The following PHOX2A variants were observed in gnomAD, a reference collection of about 807,000 sequenced individuals.
PHOX2A encodes the protein paired mesoderm homeobox protein 2A.
In PHOX2A, 10 loss-of-function variants were observed where a neutral mutation model predicts 16.4. That is an observed-to-expected ratio of 0.61 (90% CI 0.38 to 1.04). The LOEUF (loss-of-function observed/expected upper bound fraction) is 1.04. Among genes scored for constraint, PHOX2A ranks in the 50% least tolerant of loss-of-function variants. The probability of loss-of-function intolerance (pLI) is 0.01; values close to 1 mark genes in which losing one functional copy is unlikely to be tolerated. For synonymous variants in PHOX2A, 219 were observed against 203.8 expected (o/e 1.07, Z -0.64); for missense variants, 361 against 419.4 (o/e 0.86, Z 1.22).
At chr11:72,242,148 C>T (rs1226543987) in intron 1 of PHOX2A, among the ~76,000 whole-genome samples, 1 of 152,000 alleles carries the variant, frequency 6.6e-6, no homozygotes, top group African/African-American at 2.4e-5. Context: ...AACACTGCCC[C>T]CCAACTCTCT....
Position 72,241,172 on chromosome 11 carries a change from G to A in PHOX2A, c.335C>T (p.Thr112Ile). 6.2e-7 allele frequency: 1 copy of A among 1,614,020 alleles called. No homozygotes were observed. The highest frequency in any genetic ancestry group is 8.5e-7 in the Non-Finnish European group (1 of 1,180,036). Residue 112 changes from threonine (T) to isoleucine (I), a missense_variant, in exon 2 of 3, where the codon ACC becomes ATC. Physicochemically the swap from Thr to Ile is moderately conservative, Grantham distance 89. Around this residue, in one of 3 missense-constraint regions of PHOX2A, gnomAD observed 235 missense variants for 263.8 expected, o/e 0.89. Transcript: ENST00000298231. ...ACGCGTGTAAATGTCGGGGTAGTGG[G>A]TCTCAGCGAAAACGCGCTCCAGCTC... ...LKELERVFAE[T>I]HYPDIYTREE...
At chr11:72,240,364 G>C (rs1949106970) in intron 2 of PHOX2A, among the ~76,000 whole-genome samples, 166 bp from the exon 3 acceptor site, 1 of 152,212 alleles carries the variant, frequency 6.6e-6, no homozygotes, top group Non-Finnish European at 1.5e-5. Context: ...TGCACTCCGC[G>C]CTCCACTGGC....
At chr11:72,241,470 G>A (rs894099154) in intron 1 of PHOX2A, among the ~76,000 whole-genome samples, 181 bp from the exon 2 acceptor site, 2 of 152,068 alleles carry the variant, frequency 1.3e-5, no homozygotes, top group Non-Finnish European at 2.9e-5. Flanking sequence ...CAATGGAGCC[G>A]GCGGGATAAA....
At position 72,239,506 on chromosome 11, in the gene PHOX2A, CG is replaced by C. The variant is rs1949093176; in HGVS notation, c.*242del. 1 of 381,396 alleles carries C rather than the reference CG, an allele frequency of 2.6e-6. No individual in the cohort carries two copies. The highest frequency in any genetic ancestry group is 4.6e-6 in the Non-Finnish European group (1 of 215,550). The allele number at this position is 381,396 out of a possible 1,614,324, so 23.6% of individuals were successfully genotyped here. A position where few individuals can be genotyped will look rare whatever the true frequency, so the allele number is the denominator to read the frequency against. On this transcript the variant is annotated 3_prime_UTR_variant, in exon 3 of 3. Transcript: ENST00000298231. ...AAGAAGGCCAAGCTAGAAGGAGCTC[CG>C]GGGTTCTCCTGGAGGAGGTCCCGGT...
Position 72,243,972 on chromosome 11 carries a change from C to A in PHOX2A, c.33G>T (p.Ser11=). 7.7e-7 allele frequency: 1 copy of A among 1,290,366 alleles called. No individual in the cohort carries two copies. The highest frequency in any genetic ancestry group is 9.9e-7 in the Non-Finnish European group (1 of 1,011,178). The allele number at this position is 1,290,366 out of a possible 1,614,324, so 79.9% of individuals were successfully genotyped here. The change falls in exon 1 of 3, where the codon TCG becomes TCT. Residue 11 remains serine, a synonymous_variant. Transcript: ENST00000298231. The stretch of plus-strand genomic sequence containing the variant: ...CGGACGCCTCCATGGCCGCCACGCA[C>A]GAGTCGTACGAATTGAGGTAGGAGT... MDYSYLNSYD[S]CVAAMEASAY...
chr11:72,239,806 C>A lies in PHOX2A; in HGVS notation c.798G>T (p.Gly266=). The change falls in exon 3 of 3, where the codon GGG becomes GGT. Residue 266 remains glycine, a synonymous_variant. Transcript: ENST00000298231. ...GCTTCCGGTGAAAGGAGGACAGAAC[C>A]CCGGAGAAGGGCCCGGGGCCGGACT... The part of the protein sequence containing the change: ...PAESGPGPFS[G]VLSSFHRKPG... 1 of 1,356,784 alleles carries A rather than the reference C, an allele frequency of 7.4e-7. No homozygotes were observed. Among genetic ancestry groups the A allele is most frequent in the African/African-American group, 1.5e-5 (1 of 66,792 alleles). The allele number at this position is 1,356,784 out of a possible 1,614,324, so 84.0% of individuals were successfully genotyped here.
intron 1 of PHOX2A, among the ~76,000 whole-genome samples, chr11:72,242,479 T>C (rs1949130033): frequency 6.6e-6 from 1 of 152,066 alleles, no homozygotes; most frequent in African/African-American, 2.4e-5. Flanking sequence ...CTTATCCCCA[T>C]CTCTCTGGTC....
At position 72,241,247 on chromosome 11, in the gene PHOX2A, T is replaced by C; in HGVS notation, c.260A>G (p.Lys87Arg). 1 of 1,610,220 alleles carries C rather than the reference T, an allele frequency of 6.2e-7. No homozygotes were observed. The highest frequency in any genetic ancestry group is 8.5e-7 in the Non-Finnish European group (1 of 1,178,878). The stretch of plus-strand genomic sequence containing the variant: ...GGTGCGGATGCGCCGCTGCTTGCGC[T>C]TCTCGTGCAGGCCGGATGGCTCTGG... ...FFPEPSGLHEKRKQRRIRTTF... is the reference protein window; with the variant it reads ...FFPEPSGLHERRKQRRIRTTF... The change falls in exon 2 of 3, where the codon AAG (lysine) becomes AGG (arginine). Residue 87 changes from lysine (K) to arginine (R), a missense_variant. This residue lies in a region of PHOX2A where 235 missense variants were observed against 263.8 expected (regional missense o/e 0.89). Transcript: ENST00000298231.
In PHOX2A at chr11:72,241,396, C is replaced by T. The variant is rs1044423090; in HGVS notation, c.218-107G>A. 7 of 690,298 alleles carry T rather than the reference C, an allele frequency of 1.0e-5. No homozygotes were observed. The East Asian group carries it at 1.6e-4, about 16-fold the overall frequency. 42.8% of individuals were successfully genotyped at this position (690,298 alleles called of 1,614,324 possible). On this transcript the variant is annotated intron_variant, in intron 1 of 2. Transcript: ENST00000298231. ...CTCCGGGGGAATCACACGCCTCCCC[C>T]GTCCCTGGCCTGATCCCTCGTCTTG...
intron 1 of PHOX2A, among the ~76,000 whole-genome samples, chr11:72,242,819 G>A (rs1949132537): frequency 1.6e-5 from 2 of 124,152 alleles, no homozygotes; most frequent in Admixed American, 1.5e-4. Context: ...ACCATGCCCA[G>A]CTAATTTTTT....
chr11:72,240,581 A>G (rs1237517667), intron 2 of PHOX2A, among the ~76,000 whole-genome samples: 2 of 152,218 alleles, frequency 1.3e-5, no homozygotes, highest in Non-Finnish European at 2.9e-5. Flanking sequence ...GGGCGCCAGT[A>G]AACCTTTTGT....
At chr11:72,243,728 C>T (rs371028332) in intron 1 of PHOX2A, 60 bp downstream of exon 1, 7 of 1,043,998 alleles carry the variant, frequency 6.7e-6, no homozygotes, top group Non-Finnish European at 8.6e-6. Flanking sequence ...ATTCACTTGG[C>T]GAGCGGGCCC....
Position 72,244,033 on chromosome 11 carries a change from GCCA to G in PHOX2A, c.-32_-30del. 9.5e-7 allele frequency: 1 copy of G among 1,047,960 alleles called. No homozygotes were observed. The highest frequency in any genetic ancestry group is 1.2e-6 in the Non-Finnish European group (1 of 813,556). 64.9% of individuals were successfully genotyped at this position (1,047,960 alleles called of 1,614,324 possible). A position where few individuals can be genotyped will look rare whatever the true frequency, so the allele number is the denominator to read the frequency against. ...CCCGGGGGGCGGGGGCGGGGGCCGG[GCCA>G]GGCCGGGTCGGGGTCGGGGTCCGGG... On this transcript the variant is annotated 5_prime_UTR_variant, in exon 1 of 3. Transcript: ENST00000298231.
chr11:72,243,246 T>C (rs1003875483), intron 1 of PHOX2A, among the ~76,000 whole-genome samples: 1 of 152,158 alleles, frequency 6.6e-6, no homozygotes, highest in South Asian at 2.1e-4. Flanking sequence ...GATCTGGTTT[T>C]GGTGGCTACA....
At chr11:72,240,294 A>G in intron 2 of PHOX2A, 96 bp from the exon 3 acceptor site, 1 of 1,475,480 alleles carries the variant, frequency 6.8e-7, no homozygotes, top group Non-Finnish European at 9.0e-7. Flanking sequence ...TGGTTCGGAA[A>G]GAACCGGGCC....
Position 72,241,217 on chromosome 11 carries a change from A to C in PHOX2A, c.290T>G (p.Phe97Cys). Residue 97 changes from phenylalanine (F) to cysteine (C), a missense_variant, in exon 2 of 3, where the codon TTC becomes TGC. Phe to Cys is a radical substitution (Grantham distance 205, BLOSUM62 -2). This residue lies in a region of PHOX2A where 235 missense variants were observed against 263.8 expected (regional missense o/e 0.89). Transcript: ENST00000298231. ...CAGCTCCTTGAGCTGCGCGCTGGTG[A>C]ACGTGGTGCGGATGCGCCGCTGCTT... Reference protein sequence around the residue: ...KRKQRRIRTTFTSAQLKELER... With the variant: ...KRKQRRIRTTCTSAQLKELER... 1.2e-6 allele frequency: 2 copies of C among 1,612,826 alleles called. No homozygotes were observed. Among genetic ancestry groups the C allele is most frequent in the Non-Finnish European group, 1.7e-6 (2 of 1,179,768 alleles).
At position 72,239,311 on chromosome 11, in the gene PHOX2A, A is replaced by C; in HGVS notation, c.*438T>G. ...GTCATTAATTATCCCGGCGACCACC[A>C]GCCTCTGTACGGGTGGGCCCGAGGG... On this transcript the variant is annotated 3_prime_UTR_variant, in exon 3 of 3. Transcript: ENST00000298231. 1 of 156,258 alleles carries C rather than the reference A, an allele frequency of 6.4e-6. No homozygotes were observed. Among genetic ancestry groups the C allele is most frequent in the Non-Finnish European group, 1.4e-5 (1 of 71,094 alleles). The allele number at this position is 156,258 out of a possible 1,614,324, so 9.7% of individuals were successfully genotyped here. A position where few individuals can be genotyped will look rare whatever the true frequency, so the allele number is the denominator to read the frequency against.
Position 72,239,527 on chromosome 11 carries a change from C to G in PHOX2A, c.*222G>C. The G allele has an allele frequency of 2.5e-6, 1 of 395,398 alleles. No homozygotes were observed. The highest frequency in any genetic ancestry group is 4.5e-6 in the Non-Finnish European group (1 of 224,556). 24.5% of individuals were successfully genotyped at this position (395,398 alleles called of 1,614,324 possible). On this transcript the variant is annotated 3_prime_UTR_variant, in exon 3 of 3. Coordinates refer to ENST00000298231, the MANE Select transcript of PHOX2A (RefSeq NM_005169.4). ...GCTCCGGGGTTCTCCTGGAGGAGGT[C>G]CCGGTATAAAGAACTCCGCTCTGCT...
rs1949114559 is a variant in PHOX2A, at chr11:72,240,990, G to A, written c.405+112C>T. 5.1e-6 allele frequency: 6 copies of A among 1,187,762 alleles called. No individual in the cohort carries two copies. In the South Asian group the frequency reaches 7.8e-5, roughly 15 times the overall value. 73.6% of individuals were successfully genotyped at this position (1,187,762 alleles called of 1,614,324 possible). On this transcript the variant is annotated intron_variant, in intron 2 of 2. Transcript: ENST00000298231. ...AGCTGCCCAAGCACCCTGGGACCGC[G>A]CCCTGCCTTCGGGCTGCATCTGCCT...
Sources: gnomAD v4.1 joint callset for allele counts (sites outside exome capture counted in the v4.1 genomes callset) on GRCh38, gnomAD v4.1.1 for gene constraint, gnomAD v4.1.1 regional missense constraint, MANE v1.5 for transcripts, NCBI Gene and HGNC (gene_info 2026-07-23, HGNC 2026-07-21) for gene names.